ZNF550: variants seen among roughly 807,000 people sequenced by gnomAD.
ZNF550 encodes zinc finger protein 550.
ZNF550 carries 42 observed loss-of-function variants against 40.2 expected under a neutral mutation model. The observed-to-expected ratio is 1.05, with a 90% CI of 0.82 to 1.35. The LOEUF is 1.35. Among genes scored for constraint, ZNF550 ranks in the 40% most tolerant of loss-of-function variants. The pLI is 0.00. For synonymous variants in ZNF550, 223 were observed against 198.6 expected (o/e 1.12, Z -1.03); for missense variants, 549 against 525.2 (o/e 1.05, Z -0.44).
chr19:57,547,034 A>G (rs1310367724), exon 4 of ZNF550: 1 of 1,613,728 alleles, frequency 6.2e-7, no homozygotes, highest in Non-Finnish European at 8.5e-7. Flanking sequence ...GCCTTCCCAC[A>G]CTCGATACAC....
At chr19:57,547,654 T>G (rs1391086559) in exon 4 of ZNF550, 1 of 1,614,214 alleles carries the variant, frequency 6.2e-7, no homozygotes, top group Admixed American at 1.7e-5. Flanking sequence ...TGTCCCTGCA[T>G]GAATCAAGGC....
intron 3 of ZNF550, among the ~76,000 whole-genome samples, chr19:57,548,302 T>A (rs964284998): frequency 1.3e-5 from 2 of 152,070 alleles, no homozygotes; most frequent in African/African-American, 4.8e-5. Flanking sequence ...GGCATTTGCT[T>A]TAAGAATTGA....
exon 5 of ZNF550, chr19:57,543,144 C>A (rs949740949): frequency 1.5e-6 from 1 of 671,090 alleles, no homozygotes; most frequent in African/African-American, 1.9e-5. Context: ...CTGGTGCTTT[C>A]CTTCTTGCTT....
At position 57,554,052 on chromosome 19, in the gene ZNF550, C is replaced by T. The variant is rs2123361918; in HGVS notation, c.155-1330G>A. 6.6e-6 allele frequency: 1 copy of T among 152,304 alleles called. No homozygotes were observed. Among genetic ancestry groups the T allele is most frequent in the South Asian group, 2.1e-4 (1 of 4,826 alleles). The allele number at this position is 152,304 out of a possible 1,614,324, so 9.4% of individuals were successfully genotyped here. On this transcript the variant is annotated intron_variant, in intron 2 of 4. Coordinates refer to ENST00000457177, the Ensembl canonical transcript of ZNF550. This position sits in a 1 kb window ranked among gnomAD's most constrained non-coding sequence, Gnocchi z 4.5. ...ATTAGCCAGGTATGGTGGTGTGCAC[C>T]TATGGTCCTAGCTACTCAAGGGGAT...
upstream of ZNF550, among the ~76,000 whole-genome samples, chr19:57,560,591 A>G (rs957805499): frequency 1.3e-5 from 2 of 152,154 alleles, no homozygotes; most frequent in Non-Finnish European, 2.9e-5. Flanking sequence ...GTCATGCACA[A>G]TGGAGTTTGG....
At chr19:57,546,366 A>G (rs2090009598) in intron 4 of ZNF550, 2 of 489,588 alleles carry the variant, frequency 4.1e-6, no homozygotes, top group African/African-American at 2.1e-5. Flanking sequence ...AAAAAAAGGA[A>G]TAAAACCCCT....
At chr19:57,545,409 C>T in intron 4 of ZNF550, among the ~76,000 whole-genome samples, 1 of 152,056 alleles carries the variant, frequency 6.6e-6, no homozygotes, top group South Asian at 2.1e-4. Flanking sequence ...TAGAAAAATG[C>T]TGAGGGGGAC....
chr19:57,550,599 G>C, intron 3 of ZNF550, among the ~76,000 whole-genome samples: 1 of 152,304 alleles, frequency 6.6e-6, no homozygotes, highest in East Asian at 1.9e-4. Context: ...TTAAAAACTA[G>C]TCCCTAGGGA....
At chr19:57,555,237 A>G (rs1000957664) in intron 2 of ZNF550, 3 of 152,180 alleles carry the variant, frequency 2.0e-5, no homozygotes, top group African/African-American at 7.2e-5. Context: ...AAACCCTTGT[A>G]TGTTTCTTAG....
In ZNF550 at chr19:57,544,545, ACT is replaced by A. The variant is rs1387156223; in HGVS notation, c.*519-1304_*519-1303del. 1.3e-5 allele frequency: 13 copies of A among 985,254 alleles called. 1 individual carries two copies. The East Asian group carries it at 3.4e-4, about 26-fold the overall frequency. The allele number at this position is 985,254 out of a possible 1,614,324, so 61.0% of individuals were successfully genotyped here. A position where few individuals can be genotyped will look rare whatever the true frequency, so the allele number is the denominator to read the frequency against. On this transcript the variant is annotated intron_variant, in intron 4 of 4. Transcript: ENST00000457177. ...GGAGGGTGGGGGTCCTCAAGAGTCA[ACT>A]CTCCTTCCCACAGGAGAGGAAACTG...
In ZNF550 at chr19:57,546,400, CAAAAAATA is replaced by C. The variant is rs1396291492; in HGVS notation, c.*518+49_*518+56del. 2.4e-5 allele frequency: 20 copies of C among 839,832 alleles called. No homozygotes were observed. In the African/African-American group the frequency reaches 3.5e-4, roughly 15 times the overall value. 52.0% of individuals were successfully genotyped at this position (839,832 alleles called of 1,614,324 possible). ...CTTTACCTCTCAAACATTCCCCTACCAAAAAATAAAACTGATCTTACAGGGAAGTCTGT... is the reference window on the plus strand; with the variant it reads ...CTTTACCTCTCAAACATTCCCCTACCAAACTGATCTTACAGGGAAGTCTGT... On this transcript the variant is annotated intron_variant, in intron 4 of 4. Coordinates refer to ENST00000457177, the Ensembl canonical transcript of ZNF550.
chr19:57,552,911 T>A, intron 2 of ZNF550, 189 bp from the exon 3 acceptor site: 1 of 565,512 alleles, frequency 1.8e-6, no homozygotes. Flanking sequence ...ATAAAAATCA[T>A]ATGTTGATGC....
At chr19:57,542,949 A>G (rs903014960) in exon 5 of ZNF550, 2 of 152,244 alleles carry the variant, frequency 1.3e-5, no homozygotes, top group Non-Finnish European at 2.9e-5. Context: ...AGACACAAAC[A>G]CTTAACATTG....
chr19:57,545,625 G>A (rs374131560), intron 4 of ZNF550, among the ~76,000 whole-genome samples: 4 of 151,754 alleles, frequency 2.6e-5, no homozygotes, highest in African/African-American at 9.7e-5. Context: ...GCTCACACCT[G>A]TAATCCCAAC....
chr19:57,547,164 C>T (rs1359570061), exon 4 of ZNF550: 2 of 1,610,916 alleles, frequency 1.2e-6, no homozygotes, highest in South Asian at 2.2e-5. Context: ...TCCGCTGGTG[C>T]TGTATGAGTT....
chr19:57,559,686 A>G, exon 1 of ZNF550: 1 of 1,501,788 alleles, frequency 6.7e-7, no homozygotes, highest in Non-Finnish European at 8.9e-7. Context: ...CCGCCATCCG[A>G]CCGTTGGCAG....
At chr19:57,551,143 G>A (rs1333376677) in intron 3 of ZNF550, among the ~76,000 whole-genome samples, 2 of 152,150 alleles carry the variant, frequency 1.3e-5, no homozygotes, top group Admixed American at 6.5e-5. Context: ...CACTGACCAT[G>A]ACTAGAGGTA....
chr19:57,546,743 A>G, exon 4 of ZNF550: 1 of 1,306,624 alleles, frequency 7.7e-7, no homozygotes, highest in Non-Finnish European at 9.7e-7. Context: ...TTCTGCAATG[A>G]GTGAGAACTG....
At chr19:57,549,840 G>A (rs2090057139) in intron 3 of ZNF550, among the ~76,000 whole-genome samples, 1 of 152,154 alleles carries the variant, frequency 6.6e-6, no homozygotes, top group Admixed American at 6.6e-5. Context: ...ACAATGCATG[G>A]CAGACAAGAG....
Sources: allele counts gnomAD v4.1 joint callset (sites outside exome capture counted in the v4.1 genomes callset), GRCh38; gene constraint gnomAD v4.1.1; non-coding constraint Gnocchi (gnomAD v3.1); transcripts MANE v1.5; gene names NCBI Gene and HGNC (gene_info 2026-07-23, HGNC 2026-07-21).